Variants in FHIT observed in about 807,000 individuals in gnomAD.
The protein encoded by FHIT is bis(5'-adenosyl)-triphosphatase.
In FHIT, 19 loss-of-function variants were observed where a neutral mutation model predicts 17.9. That is an observed-to-expected ratio of 1.06 (90% CI 0.74 to 1.56). The LOEUF is 1.56. FHIT is among the 40% of genes most tolerant of loss of function. The pLI, the probability that FHIT is intolerant of heterozygous loss-of-function variation, is 0.00. For synonymous variants in FHIT, 81 were observed against 69.7 expected, an observed-to-expected ratio of 1.16 and a Z score of -0.81; for missense variants, 248 against 189.2, an observed-to-expected ratio of 1.31 and a Z score of -1.82.
intron 4 of FHIT, among the ~76,000 whole-genome samples, chr3:60,554,013 G>A (rs976901991): frequency 1.3e-5 from 2 of 152,128 alleles, no homozygotes; most frequent in African/African-American, 2.4e-5. Flanking sequence ...CTTGAACCCA[G>A]TGGGCAGAGG....
rs184403688 is a variant in FHIT, at chr3:59,965,281, G to C, written c.280-42867C>G. Among the ~76,000 whole-genome samples the C allele has an allele frequency of 4.6e-5, 7 of 152,092 alleles. No homozygotes were observed. The East Asian group carries it at 1.3e-3, about 29-fold the overall frequency. On this transcript the variant is annotated intron_variant, in intron 7 of 9. Transcript: ENST00000492590. ...AGGTTCATAGAAAATATAGTGTATGGGAAATACAGACTCCACTCAGGAGAT... is the reference window on the plus strand; with the variant it reads ...AGGTTCATAGAAAATATAGTGTATGCGAAATACAGACTCCACTCAGGAGAT...
At chr3:60,362,172 C>T (rs1275247191) in intron 5 of FHIT, among the ~76,000 whole-genome samples, 1 of 152,114 alleles carries the variant, frequency 6.6e-6, no homozygotes, top group African/African-American at 2.4e-5. Flanking sequence ...ACCAAATTAA[C>T]ATATCATCTC....
At chr3:60,168,910 A>T (rs1167398456) in intron 5 of FHIT, among the ~76,000 whole-genome samples, 1 of 152,164 alleles carries the variant, frequency 6.6e-6, no homozygotes, top group Non-Finnish European at 1.5e-5. Context: ...TGCAAACCCC[A>T]GCAGATATCA....
At chr3:60,243,229 T>C (rs768130173) in intron 5 of FHIT, among the ~76,000 whole-genome samples, 1 of 152,092 alleles carries the variant, frequency 6.6e-6, no homozygotes, top group African/African-American at 2.4e-5. Flanking sequence ...TTAAGTGGTA[T>C]TCACAGATGG....
chr3:60,077,686 TCACACACACACA>T (rs35531886), intron 5 of FHIT, among the ~76,000 whole-genome samples: 1,325 of 110,362 alleles, frequency 0.012, 39 homozygotes, highest in African/African-American at 0.042. Flanking sequence ...CGATTTTACT[TCACACACACACA>T]CACACACACA....
chr3:60,231,319 A>C (rs1231098777), intron 5 of FHIT, among the ~76,000 whole-genome samples: 1 of 152,224 alleles, frequency 6.6e-6, no homozygotes, highest in Non-Finnish European at 1.5e-5. Context: ...TTTAAGTATA[A>C]CTGACACACA....
intron 2 of FHIT, among the ~76,000 whole-genome samples, chr3:61,140,176 T>C (rs1329978656): frequency 1.3e-5 from 2 of 152,214 alleles, no homozygotes; most frequent in Admixed American, 6.5e-5. Flanking sequence ...CTGAACTTAT[T>C]CAGTCTTCCA....
At chr3:59,760,295 G>A (rs1211550195) in intron 8 of FHIT, among the ~76,000 whole-genome samples, 1 of 152,126 alleles carries the variant, frequency 6.6e-6, no homozygotes, top group African/African-American at 2.4e-5. Flanking sequence ...GTATTAACTA[G>A]AAAATCACAG....
In FHIT at chr3:60,019,415, C is replaced by CTTTTTTTTTTTTTTTTTT. The variant is rs1281567026; in HGVS notation, c.104-5264_104-5263insAAAAAAAAAAAAAAAAAA. On this transcript the variant is annotated intron_variant, in intron 5 of 9. Transcript: ENST00000492590. The stretch of plus-strand genomic sequence containing the variant: ...ATGGCATTTTAGAGTTGAGATGCTC[C>CTTTTTTTTTTTTTTTTTT]TTTTTTTTTTTTTTTTTCCTGAGAT... 4.0e-4 allele frequency among the ~76,000 whole-genome samples: 48 copies of CTTTTTTTTTTTTTTTTTT among 121,078 alleles called. 2 individuals carry two copies. The highest frequency in any genetic ancestry group is 4.5e-3 in the Middle Eastern group (1 of 220). The allele number at this position is 121,078 out of a possible 152,430, so 79.4% of individuals were successfully genotyped here.
intron 1 of FHIT, among the ~76,000 whole-genome samples, chr3:61,240,254 A>C (rs1317128986): frequency 6.6e-6 from 1 of 152,220 alleles, no homozygotes; most frequent in East Asian, 1.9e-4. Flanking sequence ...GTTTTGCTGT[A>C]TCCCTAGTGT....
intron 4 of FHIT, among the ~76,000 whole-genome samples, chr3:60,799,223 AGAG>A (rs1418726979): frequency 3.3e-5 from 5 of 151,844 alleles, no homozygotes; most frequent in African/African-American, 1.2e-4. Flanking sequence ...TGCCCAGGCT[AGAG>A]TGCAATGGCG....
intron 3 of FHIT, among the ~76,000 whole-genome samples, chr3:60,936,962 A>C (rs1553773228): frequency 6.6e-6 from 1 of 151,898 alleles, no homozygotes; most frequent in Non-Finnish European, 1.5e-5. Flanking sequence ...CAAATGACTA[A>C]ACTGTATTGC....
chr3:59,986,310 G>A (rs1388855058), intron 7 of FHIT, among the ~76,000 whole-genome samples: 1 of 151,290 alleles, frequency 6.6e-6, no homozygotes, highest in Non-Finnish European at 1.5e-5. Flanking sequence ...CCTTTGGAAG[G>A]ATAGTTAAGA....
At chr3:60,176,530 A>G (rs995435519) in intron 5 of FHIT, among the ~76,000 whole-genome samples, 1 of 152,220 alleles carries the variant, frequency 6.6e-6, no homozygotes, top group Non-Finnish European at 1.5e-5. Flanking sequence ...CTCAAACTTT[A>G]AGGCTGTGTG....
At chr3:60,028,211 T>A (rs1000086532) in intron 5 of FHIT, among the ~76,000 whole-genome samples, 1 of 152,186 alleles carries the variant, frequency 6.6e-6, no homozygotes, top group African/African-American at 2.4e-5. Context: ...GTAATTCTCT[T>A]CTATTTAACT....
At chr3:60,883,430 A>T (rs1553758479) in intron 3 of FHIT, among the ~76,000 whole-genome samples, 1 of 152,184 alleles carries the variant, frequency 6.6e-6, no homozygotes. Context: ...CAAAAAGAAC[A>T]AAGCTGGAGG....
chr3:59,982,067 A>G (rs1164174289), intron 7 of FHIT, among the ~76,000 whole-genome samples: 1 of 147,400 alleles, frequency 6.8e-6, no homozygotes, highest in Admixed American at 6.9e-5. Flanking sequence ...ACCTCTCTCT[A>G]GTGACAACAT....
At chr3:60,095,766 T>G (rs760559362) in intron 5 of FHIT, among the ~76,000 whole-genome samples, 3 of 152,230 alleles carry the variant, frequency 2.0e-5, no homozygotes, top group Non-Finnish European at 4.4e-5. Flanking sequence ...CTGTTCGTTC[T>G]GTAAAAGGAC....
chr3:60,085,823 C>A (rs1363860962), intron 5 of FHIT, among the ~76,000 whole-genome samples: 2 of 152,208 alleles, frequency 1.3e-5, no homozygotes, highest in African/African-American at 4.8e-5. Context: ...CTCTACAGTG[C>A]TGCTGGCAGG....
Sources: allele counts gnomAD v4.1 joint callset (sites outside exome capture counted in the v4.1 genomes callset), GRCh38; gene constraint gnomAD v4.1.1; transcripts MANE v1.5; gene names NCBI Gene and HGNC (gene_info 2026-07-23, HGNC 2026-07-21).